Variants in ERAL1 observed in about 807,000 individuals in gnomAD.
The protein encoded by ERAL1 is GTPase Era, mitochondrial.
In ERAL1, 36 loss-of-function variants were observed where a neutral mutation model predicts 53.6. The ratio of observed to expected loss-of-function variants is 0.67; its 90% CI spans 0.51 to 0.89. The LOEUF (loss-of-function observed/expected upper bound fraction) is 0.89. Among genes scored for constraint, ERAL1 ranks in the 40% least tolerant of loss-of-function variants. The pLI is 0.00. For missense variants in ERAL1, 512 were observed against 537.5 expected (o/e 0.95, Z 0.47); for synonymous variants, 215 against 211.8 (o/e 1.02, Z -0.13).
chr17:28,860,475 A>C lies in ERAL1; in HGVS notation c.1236A>C (p.Ala412=). The stretch of plus-strand genomic sequence containing the variant: ...AGGGCCACGTGATCTCCCAGATAGC[A>C]CAGGAGGCAGGCCATGACCTCATGG... ...GPKGHVISQI[A]QEAGHDLMDI... Residue 412 remains alanine, a synonymous_variant, in exon 10 of 10, where the codon GCA becomes GCC. Coordinates refer to ENST00000254928, the MANE Select transcript of ERAL1 (RefSeq NM_005702.4). 1 of 1,610,788 alleles carries C rather than the reference A, an allele frequency of 6.2e-7. No homozygotes were observed. The highest frequency in any genetic ancestry group is 1.1e-5 in the South Asian group (1 of 90,424).
At chr17:28,856,230 A>G (rs368955751) in intron 1 of ERAL1, 34 bp from the exon 2 acceptor site, 17 of 1,612,258 alleles carry the variant, frequency 1.1e-5, no homozygotes, top group Non-Finnish European at 1.4e-5. Context: ...TCCAGATTCC[A>G]CTGTGTCTCA....
At chr17:28,857,005 C>T (rs1005928079) in intron 3 of ERAL1, among the ~76,000 whole-genome samples, 10 of 150,676 alleles carry the variant, frequency 6.6e-5, no homozygotes, top group Non-Finnish European at 1.2e-4. Flanking sequence ...GCCACTGCGC[C>T]TGGCCAGGAA....
Position 28,858,432 on chromosome 17 carries a change from G to T in ERAL1, c.657G>T (p.Leu219Phe). The change falls in exon 6 of 10, where the codon TTG becomes TTT. Residue 219 changes from leucine (L) to phenylalanine (F), a missense_variant. Transcript: ENST00000254928. ...CACGGAACCAGCTCAGCCCCCAGTT[G>T]CTCAGGTGCTTGACCAAGTACTCCC... ...KWTRNQLSPQ[L>F]LRCLTKYSQI... 6.2e-7 allele frequency: 1 copy of T among 1,614,128 alleles called. No individual in the cohort carries two copies. Among genetic ancestry groups the T allele is most frequent in the African/African-American group, 1.3e-5 (1 of 75,024 alleles).
chr17:28,859,327 G>A (rs1252385278), intron 9 of ERAL1, 44 bp downstream of exon 9: 2 of 1,592,602 alleles, frequency 1.3e-6, no homozygotes, highest in Non-Finnish European at 1.7e-6. Flanking sequence ...ACTATGTTAG[G>A]CAGGAGTTCT....
chr17:28,855,430 G>A, intron 1 of ERAL1, 113 bp downstream of exon 1: 1 of 1,227,208 alleles, frequency 8.1e-7, no homozygotes, highest in Non-Finnish European at 1.1e-6. Flanking sequence ...GGCCCTGACA[G>A]GGAGGAGCAG....
At position 28,858,409 on chromosome 17, in the gene ERAL1, C is replaced by G. The variant is rs764505636; in HGVS notation, c.634C>G (p.Arg212Gly). The change falls in exon 6 of 10, where the codon CGG (arginine) becomes GGG (glycine). Residue 212 changes from arginine (R) to glycine (G), a missense_variant. Transcript: ENST00000254928. ...TGTGGATGTCTCAGACAAGTGGACA[C>G]GGAACCAGCTCAGCCCCCAGTTGCT... ...VLVDVSDKWT[R>G]NQLSPQLLRC... The G allele has an allele frequency of 6.2e-7, 1 of 1,613,976 alleles. No homozygotes were observed. The highest frequency in any genetic ancestry group is 8.5e-7 in the Non-Finnish European group (1 of 1,180,034).
chr17:28,855,264 C>T lies in ERAL1; in HGVS notation c.230C>T (p.Ser77Phe). The T allele has an allele frequency of 6.2e-7, 1 of 1,611,462 alleles. No homozygotes were observed. The highest frequency in any genetic ancestry group is 1.1e-5 in the South Asian group (1 of 90,986). The change falls in exon 1 of 10, where the codon TCT becomes TTT. Residue 77 changes from serine to phenylalanine, a missense_variant. Ser to Phe is a radical substitution (Grantham distance 155). Coordinates refer to ENST00000254928, the MANE Select transcript of ERAL1 (RefSeq NM_005702.4). ...GCCCTGGACCACTTCCTCGGATTCT[C>T]TCAGCCCGACAGTTCGGTGACTCCT... Reference protein sequence around the residue: ...GSALDHFLGFSQPDSSVTPCV... With the variant: ...GSALDHFLGFFQPDSSVTPCV...
intron 3 of ERAL1, 89 bp from the exon 4 acceptor site, chr17:28,857,850 G>A (rs1227017922): frequency 5.6e-6 from 8 of 1,419,018 alleles, no homozygotes; most frequent in Middle Eastern, 3.8e-4. Context: ...AGGGAGGGCA[G>A]GCTCCTGACA....
chr17:28,855,210 C>T lies in ERAL1; in HGVS notation c.176C>T (p.Ser59Leu), dbSNP rs1309034147. The T allele has an allele frequency of 1.9e-6, 3 of 1,614,138 alleles. No homozygotes were observed. The highest frequency in any genetic ancestry group is 3.3e-5 in the Admixed American group (2 of 60,012). Residue 59 changes from serine (S) to leucine (L), a missense_variant, in exon 1 of 10, where the codon TCG (serine) becomes TTG (leucine). Physicochemically the swap from Ser to Leu is moderately radical, Grantham distance 145. Coordinates refer to ENST00000254928, the MANE Select transcript of ERAL1 (RefSeq NM_005702.4). ...GCTTTCTCTGGTCCCCGCTTGGCCTCGGCTTCTCGCAGTAATGGCCAGGGC... is the reference window on the plus strand; with the variant it reads ...GCTTTCTCTGGTCCCCGCTTGGCCTTGGCTTCTCGCAGTAATGGCCAGGGC... ...GSAFSGPRLA[S>L]ASRSNGQGSA...
chr17:28,860,918 C>G lies in ERAL1; in HGVS notation c.*365C>G, dbSNP rs900266381. 1 of 185,136 alleles carries G rather than the reference C, an allele frequency of 5.4e-6. No homozygotes were observed. The highest frequency in any genetic ancestry group is 1.1e-4 in the South Asian group (1 of 9,202). The allele number at this position is 185,136 out of a possible 1,614,324, so 11.5% of individuals were successfully genotyped here. A position where few individuals can be genotyped will look rare whatever the true frequency, so the allele number is the denominator to read the frequency against. ...AGGGAGATTTCTCTTCCTGCCCTCACTTCTTTCACCTTGAACTTGGATAAG... is the reference window on the plus strand; with the variant it reads ...AGGGAGATTTCTCTTCCTGCCCTCAGTTCTTTCACCTTGAACTTGGATAAG... On this transcript the variant is annotated 3_prime_UTR_variant, in exon 10 of 10. Coordinates refer to ENST00000254928, the MANE Select transcript of ERAL1 (RefSeq NM_005702.4).
chr17:28,856,821 C>G (rs192234542), intron 3 of ERAL1: 1 of 438,318 alleles, frequency 2.3e-6, no homozygotes, highest in African/African-American at 2.0e-5. Flanking sequence ...ACGCCATTCT[C>G]CTGCCTCAGC....
rs1171794588 is a variant in ERAL1 at position 28,858,995 on chromosome 17, C to G, written c.992C>G (p.Pro331Arg). 6.2e-7 allele frequency: 1 copy of G among 1,614,190 alleles called. No homozygotes were observed. The highest frequency in any genetic ancestry group is 1.1e-5 in the South Asian group (1 of 91,080). The change falls in exon 8 of 10, where the codon CCC becomes CGC. Residue 331 changes from proline (P) to arginine (R), a missense_variant. Transcript: ENST00000254928. ...CTTCTGACACAGGCCCAGCCAGGGC[C>G]CTGGGAGTACCACAGTGCAGTCCTC... ...QYLLTQAQPG[P>R]WEYHSAVLTS...
At position 28,855,017 on chromosome 17, in the gene ERAL1, C is replaced by T; in HGVS notation, c.-18C>T. On this transcript the variant is annotated 5_prime_UTR_variant, in exon 1 of 10. Transcript: ENST00000254928. ...TAGGAGCGCTCCTGGTCGGTTCCCG[C>T]AGTGCCTTGCGGCTGTAATGGCTGC... The T allele has an allele frequency of 6.4e-7, 1 of 1,565,328 alleles. No homozygotes were observed. The highest frequency in any genetic ancestry group is 8.7e-7 in the Non-Finnish European group (1 of 1,154,298).
intron 1 of ERAL1, among the ~76,000 whole-genome samples, chr17:28,855,821 C>T (rs2039235810): frequency 6.7e-6 from 1 of 150,334 alleles, no homozygotes; most frequent in Non-Finnish European, 1.5e-5. Context: ...ACTGGGAAAG[C>T]TTGCAGGGCC....
At chr17:28,859,693 C>T (rs1035574368) in intron 9 of ERAL1, among the ~76,000 whole-genome samples, 1 of 151,948 alleles carries the variant, frequency 6.6e-6, no homozygotes, top group Non-Finnish European at 1.5e-5. Context: ...GTGCCCACCA[C>T]CAAGCCCAGC....
At chr17:28,859,153 A>C in intron 8 of ERAL1, 40 bp downstream of exon 8, 2 of 1,614,096 alleles carry the variant, frequency 1.2e-6, no homozygotes, top group Non-Finnish European at 1.7e-6. Flanking sequence ...TATCAGACAC[A>C]CACCTCTACC....
Position 28,856,286 on chromosome 17 carries a change from C to T in ERAL1, c.306C>T (p.Val102=). Residue 102 remains valine (V), a synonymous_variant, in exon 2 of 10, where the codon GTC becomes GTT. Coordinates refer to ENST00000254928, the MANE Select transcript of ERAL1 (RefSeq NM_005702.4). ...TAGATGAGCAGGATGTCCTCTTGGT[C>T]CATCACCCTGATATGCCTGAGAATT... ...MNRDEQDVLL[V]HHPDMPENSR... 2 of 1,614,064 alleles carry T rather than the reference C, an allele frequency of 1.2e-6. No homozygotes were observed. Among genetic ancestry groups the T allele is most frequent in the Non-Finnish European group, 1.7e-6 (2 of 1,179,964 alleles).
In ERAL1 at chr17:28,860,630, G is replaced by C. The variant is rs1389723052; in HGVS notation, c.*77G>C. On this transcript the variant is annotated 3_prime_UTR_variant, in exon 10 of 10. Coordinates refer to ENST00000254928, the MANE Select transcript of ERAL1 (RefSeq NM_005702.4). ...ACTGACCAGTTCTGTCCTTGGCTGG[G>C]GACCCTCCAGGCACTGGTGAGAGAC... The C allele has an allele frequency of 3.4e-6, 5 of 1,481,728 alleles. No individual in the cohort carries two copies. The highest frequency in any genetic ancestry group is 4.5e-6 in the Non-Finnish European group (5 of 1,120,010). 91.8% of individuals were successfully genotyped at this position (1,481,728 alleles called of 1,614,324 possible).
intron 1 of ERAL1, 24 bp from the exon 2 acceptor site, chr17:28,856,240 A>G: frequency 6.2e-7 from 1 of 1,611,280 alleles, no homozygotes; most frequent in Non-Finnish European, 8.5e-7. Context: ...ACTGTGTCTC[A>G]TGCTTCTTCC....
Sources: gnomAD v4.1 joint callset for allele counts (sites outside exome capture counted in the v4.1 genomes callset) on GRCh38, gnomAD v4.1.1 for gene constraint, MANE v1.5 for transcripts, NCBI Gene and HGNC (gene_info 2026-07-23, HGNC 2026-07-21) for gene names.